MACROD2: variants seen among roughly 807,000 people sequenced by gnomAD.
The protein encoded by MACROD2 is mono-ADP ribosylhydrolase 2.
In MACROD2, 36 loss-of-function variants were observed where a neutral mutation model predicts 70.4. That is an observed-to-expected ratio of 0.51 (90% CI 0.39 to 0.68). The LOEUF is 0.68. Among genes scored for constraint, MACROD2 ranks in the 30% least tolerant of loss-of-function variants. The probability of loss-of-function intolerance (pLI) is 0.00; values close to 1 mark genes in which losing one functional copy is unlikely to be tolerated. For missense variants in MACROD2, 496 were observed against 538.4 expected, an observed-to-expected ratio of 0.92 and a Z score of 0.78; for synonymous variants, 172 against 178.8, an observed-to-expected ratio of 0.96 and a Z score of 0.30.
chr20:14,732,299 G>A (rs1191346677), intron 5 of MACROD2, among the ~76,000 whole-genome samples: 1 of 152,068 alleles, frequency 6.6e-6, no homozygotes, highest in Non-Finnish European at 1.5e-5. Context: ...GTATTTCTTG[G>A]GCAAACTTTG....
At chr20:14,471,247 C>CTG (rs2084527280) in intron 3 of MACROD2, among the ~76,000 whole-genome samples, 2 of 145,964 alleles carry the variant, frequency 1.4e-5, no homozygotes, top group Admixed American at 1.4e-4. Flanking sequence ...CCTCCGTGGG[C>CTG]TGCACCTACT....
chr20:15,537,382 C>A (rs2047890603), intron 8 of MACROD2, among the ~76,000 whole-genome samples: 2 of 151,878 alleles, frequency 1.3e-5, no homozygotes, highest in African/African-American at 4.8e-5. Flanking sequence ...TAATACAGCC[C>A]CAAGCTCCTT....
At chr20:15,903,741 A>T (rs531165004) in intron 10 of MACROD2, among the ~76,000 whole-genome samples, 3 of 152,356 alleles carry the variant, frequency 2.0e-5, no homozygotes, top group Non-Finnish European at 4.4e-5. Flanking sequence ...AAGCAGAGAT[A>T]GGACGTGCTC....
At chr20:15,993,475 G>C (rs930382402) in intron 15 of MACROD2, among the ~76,000 whole-genome samples, 2 of 152,014 alleles carry the variant, frequency 1.3e-5, no homozygotes, top group African/African-American at 4.8e-5. Flanking sequence ...TATAACCTAA[G>C]AGCAATAGAC....
intron 12 of MACROD2, among the ~76,000 whole-genome samples, chr20:15,966,368 C>T (rs982146624): frequency 3.3e-5 from 5 of 152,110 alleles, no homozygotes; most frequent in African/African-American, 1.2e-4. Flanking sequence ...CTTTCAGCAG[C>T]ATGAAAAATA....
chr20:14,946,668 T>G (rs1350741780), intron 5 of MACROD2, among the ~76,000 whole-genome samples: 1 of 152,194 alleles, frequency 6.6e-6, no homozygotes, highest in Non-Finnish European at 1.5e-5. Flanking sequence ...CAGCATCTGT[T>G]GATTTTCTTT....
chr20:14,861,093 A>T (rs999263244), intron 5 of MACROD2, among the ~76,000 whole-genome samples: 1 of 152,134 alleles, frequency 6.6e-6, no homozygotes, highest in Non-Finnish European at 1.5e-5. Context: ...TTTACCCCAC[A>T]TGGTTACAAT....
intron 3 of MACROD2, among the ~76,000 whole-genome samples, chr20:14,469,201 G>A (rs1046279859): frequency 2.0e-5 from 3 of 152,104 alleles, no homozygotes; most frequent in African/African-American, 7.2e-5. Context: ...TAGTTTGCCT[G>A]TATATGAAAT....
intron 2 of MACROD2, among the ~76,000 whole-genome samples, chr20:14,049,813 G>T (rs540273716): frequency 6.6e-6 from 1 of 151,880 alleles, no homozygotes; most frequent in Non-Finnish European, 1.5e-5. Flanking sequence ...GGCTGGTGCG[G>T]TGGCTCACGC....
chr20:14,539,363 T>G (rs1482208597), intron 4 of MACROD2, among the ~76,000 whole-genome samples: 3 of 152,226 alleles, frequency 2.0e-5, no homozygotes, highest in Non-Finnish European at 4.4e-5. Flanking sequence ...TAGAAATACC[T>G]TCTTCTGGCC....
intron 5 of MACROD2, among the ~76,000 whole-genome samples, chr20:15,040,466 T>G (rs993415818): frequency 3.9e-5 from 6 of 152,216 alleles, no homozygotes; most frequent in Non-Finnish European, 8.8e-5. Flanking sequence ...CTAATGTTCT[T>G]TAGCCAAGGG....
At chr20:14,829,172 C>T (rs1334492707) in intron 5 of MACROD2, among the ~76,000 whole-genome samples, 1 of 149,312 alleles carries the variant, frequency 6.7e-6, no homozygotes, top group African/African-American at 2.5e-5. Flanking sequence ...CTCTGTCGCC[C>T]AGGCTGGAGT....
At chr20:15,819,304 AAT>A (rs555741438) in intron 8 of MACROD2, among the ~76,000 whole-genome samples, 10 of 142,634 alleles carry the variant, frequency 7.0e-5, no homozygotes, top group African/African-American at 1.8e-4. Flanking sequence ...TAAGTATATA[AAT>A]ATATATACTT....
At chr20:15,932,321 C>A (rs1367888495) in intron 10 of MACROD2, among the ~76,000 whole-genome samples, 1 of 152,072 alleles carries the variant, frequency 6.6e-6, no homozygotes, top group Non-Finnish European at 1.5e-5. Context: ...TGCAGGGTAG[C>A]TTGTAGGTCC....
intron 3 of MACROD2, chr20:14,325,900 G>A: frequency 2.5e-6 from 4 of 1,613,938 alleles, no homozygotes; most frequent in Non-Finnish European, 3.4e-6. Flanking sequence ...CAGGGCCACA[G>A]CCCCACCAAT....
At chr20:15,298,598 A>G (rs2077612952) in intron 6 of MACROD2, among the ~76,000 whole-genome samples, 1 of 152,250 alleles carries the variant, frequency 6.6e-6, no homozygotes. Flanking sequence ...TGTATGAATG[A>G]CTTTAAAAGA....
chr20:14,170,769 G>C (rs1397506992), intron 3 of MACROD2, among the ~76,000 whole-genome samples: 3 of 152,040 alleles, frequency 2.0e-5, no homozygotes, highest in Non-Finnish European at 4.4e-5. Context: ...GAGGATTTTT[G>C]CATCTATGTT....
intron 3 of MACROD2, among the ~76,000 whole-genome samples, chr20:14,238,270 T>G (rs963252983): frequency 1.3e-5 from 2 of 152,174 alleles, no homozygotes; most frequent in African/African-American, 4.8e-5. Flanking sequence ...ATGTTATTTA[T>G]TACATAAACA....
In MACROD2 at chr20:15,822,740, G is replaced by A. The variant is rs146016111; in HGVS notation, c.646-40005G>A. Among the ~76,000 whole-genome samples the A allele has an allele frequency of 3.7e-3, 560 of 152,202 alleles. 3 individuals are homozygous for A. The highest frequency in any genetic ancestry group is 5.4e-3 in the Non-Finnish European group (367 of 68,002). On this transcript the variant is annotated intron_variant, in intron 8 of 17. Coordinates refer to ENST00000684519, the MANE Select transcript of MACROD2 (RefSeq NM_001351661.2). ...TGAAATTATCCATCAATATCACATGGAATATTCAATCTGGCCTTTTGCGGG... is the reference window on the plus strand; with the variant it reads ...TGAAATTATCCATCAATATCACATGAAATATTCAATCTGGCCTTTTGCGGG...
Sources: allele counts gnomAD v4.1 joint callset (sites outside exome capture counted in the v4.1 genomes callset), GRCh38; gene constraint gnomAD v4.1.1; transcripts MANE v1.5; gene names NCBI Gene and HGNC (gene_info 2026-07-23, HGNC 2026-07-21).